The following PTPRR variants were observed in gnomAD, a reference collection of about 807,000 sequenced individuals.
PTPRR encodes the protein protein tyrosine phosphatase receptor type R, also known as receptor-type tyrosine-protein phosphatase R.
A neutral mutation model predicts 77.2 loss-of-function variants in PTPRR; 38 were observed. The observed-to-expected ratio is 0.49, with a 90% CI of 0.38 to 0.65. PTPRR has a LOEUF of 0.65. PTPRR is among the 30% of genes least tolerant of loss of function. The probability of loss-of-function intolerance (pLI) is 0.00; values close to 1 mark genes in which losing one functional copy is unlikely to be tolerated. For synonymous variants in PTPRR, 299 were observed against 283.1 expected, an observed-to-expected ratio of 1.06 and a Z score of -0.57; for missense variants, 744 against 799.2, an observed-to-expected ratio of 0.93 and a Z score of 0.83.
intron 1 of PTPRR, among the ~76,000 whole-genome samples, chr12:70,894,641 A>C (rs1366337776): frequency 6.6e-6 from 1 of 151,790 alleles, no homozygotes; most frequent in Non-Finnish European, 1.5e-5. Flanking sequence ...GTGGTCAGAA[A>C]GTTCATATAC....
At chr12:70,737,626 C>T (rs1889915841) in intron 6 of PTPRR, among the ~76,000 whole-genome samples, 1 of 151,982 alleles carries the variant, frequency 6.6e-6, no homozygotes, top group Non-Finnish European at 1.5e-5. Context: ...TTCAGGATAT[C>T]CTCCTGCCTC....
intron 13 of PTPRR, among the ~76,000 whole-genome samples, chr12:70,641,408 G>A (rs942147581): frequency 4.6e-5 from 7 of 152,210 alleles, no homozygotes; most frequent in Admixed American, 1.3e-4. Flanking sequence ...ACTGGTGAAT[G>A]AATGGAGACA....
intron 2 of PTPRR, among the ~76,000 whole-genome samples, chr12:70,844,185 A>C (rs1892446086): frequency 6.6e-6 from 1 of 152,134 alleles, no homozygotes; most frequent in Admixed American, 6.6e-5. Flanking sequence ...AAAATTATTA[A>C]AGGACTCGGT....
At position 70,640,562 on chromosome 12, in the gene PTPRR, A is replaced by G. The variant is rs373215596; in HGVS notation, c.1881-1285T>C. 2.5e-4 allele frequency among the ~76,000 whole-genome samples: 38 copies of G among 152,328 alleles called. No individual in the cohort carries two copies. In the East Asian group the frequency reaches 2.5e-3, roughly 10 times the overall value. ...TATAAAAGCATCACTATCGGTAACT[A>G]TTTAAAGTCTTGTAAATTCTCTGTA... is the stretch of plus-strand genomic sequence containing the variant. On this transcript the variant is annotated intron_variant, in intron 13 of 13. Coordinates refer to ENST00000283228, the MANE Select transcript of PTPRR (RefSeq NM_002849.4).
intron 6 of PTPRR, among the ~76,000 whole-genome samples, chr12:70,730,335 A>G (rs1889608799): frequency 6.6e-6 from 1 of 151,896 alleles, no homozygotes; most frequent in Non-Finnish European, 1.5e-5. Context: ...ACATGGTGAA[A>G]CCCCGTCTCT....
At chr12:70,682,233 C>T (rs1483930532) in intron 10 of PTPRR, among the ~76,000 whole-genome samples, 1 of 150,980 alleles carries the variant, frequency 6.6e-6, no homozygotes, top group South Asian at 2.1e-4. Flanking sequence ...TTAGTAGAGA[C>T]GGGGTTTCAC....
chr12:70,875,998 A>G (rs1353128647), intron 2 of PTPRR, among the ~76,000 whole-genome samples: 1 of 152,204 alleles, frequency 6.6e-6, no homozygotes, highest in African/African-American at 2.4e-5. Context: ...AAAATTAAAA[A>G]GAACAACAAT....
chr12:70,804,794 T>C (rs1302992566), intron 2 of PTPRR, among the ~76,000 whole-genome samples: 1 of 152,188 alleles, frequency 6.6e-6, no homozygotes, highest in African/African-American at 2.4e-5. Context: ...TTGATGAACG[T>C]GCGAACATAT....
chr12:70,908,029 C>T (rs1420398686), intron 1 of PTPRR, among the ~76,000 whole-genome samples: 4 of 152,122 alleles, frequency 2.6e-5, no homozygotes, highest in African/African-American at 9.7e-5. Context: ...GTTATACAAA[C>T]AGCTAAAATA....
intron 2 of PTPRR, among the ~76,000 whole-genome samples, chr12:70,790,721 G>A (rs995522206): frequency 6.6e-6 from 1 of 151,964 alleles, no homozygotes. Context: ...TCCGTAACTA[G>A]CAACTTCAAT....
At chr12:70,660,860 G>T in intron 12 of PTPRR, 80 bp downstream of exon 12, 1 of 1,390,882 alleles carries the variant, frequency 7.2e-7, no homozygotes, top group Non-Finnish European at 9.6e-7. Context: ...CATCCAGGAA[G>T]CAAAACCCAC....
At chr12:70,800,081 T>C (rs996355173) in intron 2 of PTPRR, among the ~76,000 whole-genome samples, 3 of 152,106 alleles carry the variant, frequency 2.0e-5, no homozygotes, top group African/African-American at 7.2e-5. Flanking sequence ...GGAAGGCACT[T>C]GAGACTGTAA....
chr12:70,896,638 A>G (rs143707731), intron 1 of PTPRR, among the ~76,000 whole-genome samples: 33 of 151,966 alleles, frequency 2.2e-4, no homozygotes, highest in Admixed American at 1.2e-3. Flanking sequence ...GCCAAAGAGA[A>G]AGTCACAAGA....
chr12:70,698,567 T>C (rs968403257), intron 7 of PTPRR, among the ~76,000 whole-genome samples: 1 of 152,164 alleles, frequency 6.6e-6, no homozygotes, highest in African/African-American at 2.4e-5. Context: ...TTAGAAAATA[T>C]TGCTTAATAT....
Position 70,761,476 on chromosome 12 carries a change from G to T in PTPRR, c.622C>A (p.Pro208Thr). The T allele has an allele frequency of 6.2e-7, 1 of 1,604,224 alleles. No homozygotes were observed. The highest frequency in any genetic ancestry group is 1.1e-5 in the South Asian group (1 of 89,328). Residue 208 changes from proline (P) to threonine (T), a missense_variant, in exon 4 of 14, where the codon CCT (proline) becomes ACT (threonine). Transcript: ENST00000283228. ...LSQFGITEVS[P>T]EKNVLQGQHE... is the part of the protein sequence containing the mutation. The stretch of plus-strand genomic sequence containing the variant: ...TGTTTCGTGCAACAACATACCTCAG[G>T]AGAGACTTCTGTAATTCCAAACTGG...
chr12:70,860,903 C>G (rs1168556973), intron 2 of PTPRR, among the ~76,000 whole-genome samples: 2 of 152,130 alleles, frequency 1.3e-5, no homozygotes, highest in Non-Finnish European at 2.9e-5. Context: ...ACACATAACT[C>G]TCTATTCCCT....
intron 2 of PTPRR, among the ~76,000 whole-genome samples, chr12:70,796,157 C>G (rs963158984): frequency 2.0e-5 from 3 of 151,876 alleles, no homozygotes; most frequent in African/African-American, 7.3e-5. Context: ...CTCCTGACCT[C>G]AGGTGATCCA....
chr12:70,744,443 T>TC (rs927846283), intron 6 of PTPRR, among the ~76,000 whole-genome samples: 1 of 152,230 alleles, frequency 6.6e-6, no homozygotes, highest in Non-Finnish European at 1.5e-5. Context: ...AATGACTTGA[T>TC]CAATCTCTGT....
chr12:70,718,501 G>A (rs1211515012), intron 6 of PTPRR, among the ~76,000 whole-genome samples: 2 of 152,020 alleles, frequency 1.3e-5, no homozygotes, highest in South Asian at 2.1e-4. Flanking sequence ...TCCTGACCTC[G>A]TGATCCGCCT....
Sources: allele counts gnomAD v4.1 joint callset (sites outside exome capture counted in the v4.1 genomes callset), GRCh38; gene constraint gnomAD v4.1.1; transcripts MANE v1.5; gene names NCBI Gene and HGNC (gene_info 2026-07-23, HGNC 2026-07-21).